UNC45B: variants seen among roughly 807,000 people sequenced by gnomAD.
The protein encoded by UNC45B is unc-45 myosin chaperone B.
A neutral mutation model predicts 98.7 loss-of-function variants in UNC45B; 78 were observed. The ratio of observed to expected loss-of-function variants is 0.79; its 90% CI spans 0.66 to 0.95. The LOEUF is 0.95. Among genes scored for constraint, UNC45B ranks in the 40% least tolerant of loss-of-function variants. The probability of loss-of-function intolerance (pLI) is 0.00; values close to 1 mark genes in which losing one functional copy is unlikely to be tolerated. For missense variants in UNC45B, 1,225 were observed against 1,184.9 expected, an observed-to-expected ratio of 1.03 and a Z score of -0.50; for synonymous variants, 462 against 480.4, an observed-to-expected ratio of 0.96 and a Z score of 0.50.
intron 10 of UNC45B, among the ~76,000 whole-genome samples, chr17:35,168,867 C>T (rs1321409123): frequency 6.6e-6 from 1 of 152,102 alleles, no homozygotes; most frequent in African/African-American, 2.4e-5. Flanking sequence ...CCACCACACT[C>T]AGCTAATTTT....
At chr17:35,155,073 G>C (rs9916195) in intron 6 of UNC45B, among the ~76,000 whole-genome samples, 7 of 152,234 alleles carry the variant, frequency 4.6e-5, no homozygotes, top group Non-Finnish European at 7.3e-5. Flanking sequence ...CCATGTGGCC[G>C]GTGGTCACTG....
intron 13 of UNC45B, among the ~76,000 whole-genome samples, chr17:35,173,638 A>G (rs1373921293): frequency 6.6e-6 from 1 of 151,926 alleles, no homozygotes; most frequent in Non-Finnish European, 1.5e-5. Flanking sequence ...TACATCTCCT[A>G]GTACTAACTC....
At chr17:35,151,148 C>A in intron 4 of UNC45B, 3 of 233,304 alleles carry the variant, frequency 1.3e-5, no homozygotes, top group Non-Finnish European at 1.7e-5. Context: ...CGGCGCTGGG[C>A]TCTTCCCTGT....
chr17:35,183,932 G>C (rs1208858444), intron 19 of UNC45B, among the ~76,000 whole-genome samples: 1 of 151,834 alleles, frequency 6.6e-6, no homozygotes, highest in African/African-American at 2.4e-5. Context: ...GATGCCATAA[G>C]GAGCTTATGG....
Position 35,169,331 on chromosome 17 carries a change from C to T in UNC45B, c.1453-506C>T, listed in dbSNP as rs553523660. 1.6e-3 allele frequency among the ~76,000 whole-genome samples: 241 copies of T among 152,282 alleles called. 1 individual carries two copies. Among genetic ancestry groups the T allele is most frequent in the Middle Eastern group, 3.4e-3 (1 of 294 alleles). ...TGGGAGGATTACAGGCGTGAGCCAC[C>T]GCACCCAGCATCAATTTTTTAAAAA... On this transcript the variant is annotated intron_variant, in intron 10 of 19. Transcript: ENST00000394570.
At chr17:35,174,810 A>T (rs2142579097) in intron 14 of UNC45B, among the ~76,000 whole-genome samples, 1 of 151,866 alleles carries the variant, frequency 6.6e-6, no homozygotes, top group South Asian at 2.1e-4. Flanking sequence ...ACAGAGCAAG[A>T]TCCTGTCTCT....
At chr17:35,183,190 A>G (rs1444650186) in intron 18 of UNC45B, among the ~76,000 whole-genome samples, 1 of 149,686 alleles carries the variant, frequency 6.7e-6, no homozygotes, top group East Asian at 1.9e-4. Flanking sequence ...GCTGAATGCA[A>G]ACAGAGGTGG....
At chr17:35,175,898 C>A in intron 14 of UNC45B, 70 bp from the exon 15 acceptor site, 1 of 1,448,514 alleles carries the variant, frequency 6.9e-7, no homozygotes, top group Non-Finnish European at 9.6e-7. Flanking sequence ...GACTGGCTGG[C>A]CTGCTGCTGC....
intron 13 of UNC45B, among the ~76,000 whole-genome samples, chr17:35,173,652 T>C (rs961268201): frequency 1.3e-5 from 2 of 152,080 alleles, no homozygotes; most frequent in South Asian, 4.2e-4. Flanking sequence ...CTAACTCTGA[T>C]CTTCCTGCCT....
Position 35,180,660 on chromosome 17 carries a change from T to C in UNC45B, c.2357T>C (p.Met786Thr). 1 of 1,613,012 alleles carries C rather than the reference T, an allele frequency of 6.2e-7. No individual in the cohort carries two copies. Among genetic ancestry groups the C allele is most frequent in the Non-Finnish European group, 8.5e-7 (1 of 1,179,718 alleles). ...GCGGCCACCGAGTGCATGTGCAACA[T>C]GGTGCTCCACAAGGAGGTGAGGCAG... ...RQAATECMCN[M>T]VLHKEVQERF... The change falls in exon 18 of 20, where the codon ATG (methionine) becomes ACG (threonine). Residue 786 changes from methionine to threonine, a missense_variant. Transcript: ENST00000394570.
chr17:35,177,204 T>C, intron 16 of UNC45B, 74 bp downstream of exon 16: 1 of 1,366,708 alleles, frequency 7.3e-7, no homozygotes, highest in South Asian at 1.3e-5. Context: ...CCCCTTGTCA[T>C]TCTACCTCGA....
chr17:35,159,427 C>T lies in UNC45B; in HGVS notation c.861C>T (p.Val287=). The T allele has an allele frequency of 6.2e-7, 1 of 1,614,102 alleles. No homozygotes were observed. Residue 287 remains valine, a synonymous_variant, in exon 8 of 20, where the codon GTC becomes GTT. Transcript: ENST00000394570. ...CCAGCCACCTGCTGGACATGCTAGT[C>T]AGCAAGAAGGTGTCTGGCCAGGGCA... The part of the protein sequence containing the change: ...QITSHLLDML[V]SKKVSGQGRD...
rs764131485 is a variant in UNC45B at position 35,171,370 on chromosome 17, T to C, written c.1738T>C (p.Cys580Arg). Residue 580 changes from cysteine to arginine, a missense_variant, in exon 13 of 20, where the codon TGC becomes CGC. By Grantham distance (180) the Cys-to-Arg change is radical. Coordinates refer to ENST00000394570, the MANE Select transcript of UNC45B (RefSeq NM_001267052.2). ...CTCGGTGGCCACCACCCTGGTGAAC[T>C]GCACCAACAGCTACGATGTCAAGGA... is the stretch of plus-strand genomic sequence containing the variant. ...LYSVATTLVNCTNSYDVKEVI... is the reference protein window; with the variant it reads ...LYSVATTLVNRTNSYDVKEVI... 6.2e-7 allele frequency: 1 copy of C among 1,614,202 alleles called. No homozygotes were observed. The highest frequency in any genetic ancestry group is 1.7e-5 in the Admixed American group (1 of 60,028).
intron 9 of UNC45B, among the ~76,000 whole-genome samples, chr17:35,164,997 C>T (rs958527618): frequency 1.3e-5 from 2 of 152,168 alleles, no homozygotes; most frequent in African/African-American, 4.8e-5. Context: ...GCCTCAGCCT[C>T]CCAAGTAGCT....
At chr17:35,161,806 G>A (rs1206733922) in intron 8 of UNC45B, among the ~76,000 whole-genome samples, 1 of 146,950 alleles carries the variant, frequency 6.8e-6, no homozygotes, top group East Asian at 1.9e-4. Context: ...GGAACTTTCG[G>A]CCCCCCACCC....
At chr17:35,154,773 G>T in intron 6 of UNC45B, 32 bp downstream of exon 6, 9 of 1,536,650 alleles carry the variant, frequency 5.9e-6, no homozygotes, top group Non-Finnish European at 7.0e-6. Context: ...ATGTGGAGCA[G>T]ACGACTGCTG....
At chr17:35,174,221 G>A (rs759239230) in intron 13 of UNC45B, 21 bp from the exon 14 acceptor site, 1 of 1,613,880 alleles carries the variant, frequency 6.2e-7, no homozygotes. Flanking sequence ...CTCCCACATT[G>A]CCATCTTTTC....
chr17:35,155,210 G>A, intron 6 of UNC45B, 86 bp from the exon 7 acceptor site: 1 of 1,511,090 alleles, frequency 6.6e-7, no homozygotes, highest in Non-Finnish European at 9.0e-7. Context: ...GATAGGGTGG[G>A]GAGGATTATC....
At chr17:35,180,868 A>G (rs1304805260) in intron 18 of UNC45B, among the ~76,000 whole-genome samples, 192 bp downstream of exon 18, 1 of 152,124 alleles carries the variant, frequency 6.6e-6, no homozygotes, top group Non-Finnish European at 1.5e-5. Context: ...AGAGAAAGAT[A>G]TGCATAAAGG....
Sources: gnomAD v4.1 joint callset for allele counts (sites outside exome capture counted in the v4.1 genomes callset) on GRCh38, gnomAD v4.1.1 for gene constraint, MANE v1.5 for transcripts, NCBI Gene and HGNC (gene_info 2026-07-23, HGNC 2026-07-21) for gene names.